GPHN: variants seen among roughly 807,000 people sequenced by gnomAD.
GPHN encodes gephyrin.
In GPHN, 17 loss-of-function variants were observed where a neutral mutation model predicts 95.5. The ratio of observed to expected loss-of-function variants is 0.18; its 90% CI spans 0.12 to 0.27. The LOEUF is 0.27. GPHN is among the 10% of genes least tolerant of loss of function. The pLI, the probability that GPHN is intolerant of heterozygous loss-of-function variation, is 1.00. For synonymous variants in GPHN, 320 were observed against 322.5 expected (o/e 0.99, Z 0.08); for missense variants, 660 against 978.1 (o/e 0.67, Z 4.34).
chr14:66,899,678 G>A (rs2153546880), intron 5 of GPHN, among the ~76,000 whole-genome samples: 1 of 151,830 alleles, frequency 6.6e-6, no homozygotes, highest in African/African-American at 2.4e-5. Flanking sequence ...TAATATTTTA[G>A]TAAGGATTTT....
intron 1 of GPHN, among the ~76,000 whole-genome samples, chr14:66,554,314 C>A (rs1309084457): frequency 6.6e-6 from 1 of 152,146 alleles, no homozygotes; most frequent in Non-Finnish European, 1.5e-5. Context: ...GTATAAGTGG[C>A]AGTGGATTAC....
At chr14:66,816,776 A>G (rs1361564536) in intron 3 of GPHN, among the ~76,000 whole-genome samples, 1 of 152,182 alleles carries the variant, frequency 6.6e-6, no homozygotes, top group East Asian at 1.9e-4. Context: ...TCCCAAAGCT[A>G]GTGGAAGACA....
intron 1 of GPHN, among the ~76,000 whole-genome samples, chr14:66,618,353 C>G (rs1010297197): frequency 1.3e-5 from 2 of 152,142 alleles, no homozygotes; most frequent in Admixed American, 6.5e-5. Context: ...GCTAGGATTA[C>G]TGGTGTGAGC....
At chr14:67,359,893 A>G in the GPHN span, 1 of 642,426 alleles carries the variant, frequency 1.6e-6, no homozygotes, top group Non-Finnish European at 2.7e-6. Context: ...AAGGGGGAGG[A>G]CAGAACAGAG....
intron 4 of GPHN, among the ~76,000 whole-genome samples, chr14:66,878,729 G>C (rs965429053): frequency 1.3e-5 from 2 of 152,112 alleles, no homozygotes; most frequent in African/African-American, 4.8e-5. Context: ...ATGCTGGATA[G>C]GGATGTGGAA....
At chr14:67,238,162 T>G in the GPHN span, among the ~76,000 whole-genome samples, 1 of 152,286 alleles carries the variant, frequency 6.6e-6, no homozygotes, top group Non-Finnish European at 1.5e-5. Context: ...ACCCTTCAGT[T>G]TTTGCATATA....
intron 8 of GPHN, among the ~76,000 whole-genome samples, chr14:66,930,491 A>G (rs1355293169): frequency 1.3e-5 from 2 of 148,242 alleles, no homozygotes; most frequent in Admixed American, 6.7e-5. Flanking sequence ...TTTTCTATCT[A>G]TATTTTATAA....
chr14:66,862,113 GA>G (rs2063048074), intron 4 of GPHN, among the ~76,000 whole-genome samples: 1 of 151,912 alleles, frequency 6.6e-6, no homozygotes, highest in Non-Finnish European at 1.5e-5. Context: ...AAGAAAAAAG[GA>G]GAGAAGATAC....
intron 1 of GPHN, among the ~76,000 whole-genome samples, chr14:66,584,744 G>C (rs1183182646): frequency 6.6e-6 from 1 of 152,126 alleles, no homozygotes; most frequent in African/African-American, 2.4e-5. Flanking sequence ...AAGCCCACTT[G>C]ATCATGGTGG....
At chr14:67,257,687 C>T in the GPHN span, among the ~76,000 whole-genome samples, 1 of 151,614 alleles carries the variant, frequency 6.6e-6, no homozygotes, top group South Asian at 2.1e-4. Context: ...AACATACAGC[C>T]TATTTTTATA....
At chr14:66,839,717 C>A (rs754717256) in intron 4 of GPHN, among the ~76,000 whole-genome samples, 2 of 152,078 alleles carry the variant, frequency 1.3e-5, no homozygotes, top group Non-Finnish European at 1.5e-5. Context: ...TGATGAGATT[C>A]AAAAGAAATT....
At chr14:66,994,227 A>G (rs2071619807) in intron 9 of GPHN, among the ~76,000 whole-genome samples, 2 of 151,984 alleles carry the variant, frequency 1.3e-5, no homozygotes, top group South Asian at 4.2e-4. Context: ...TTAGCCGGGC[A>G]TGATGGTGGG....
the GPHN span, among the ~76,000 whole-genome samples, chr14:67,644,984 CGA>C: frequency 7.0e-6 from 1 of 143,872 alleles, no homozygotes; most frequent in South Asian, 2.2e-4. Context: ...GGAAACAGAG[CGA>C]GACTCCGTCT....
the GPHN span, among the ~76,000 whole-genome samples, chr14:67,599,516 A>C: frequency 6.6e-6 from 1 of 152,182 alleles, no homozygotes; most frequent in Non-Finnish European, 1.5e-5. Flanking sequence ...CCCTTGAAAA[A>C]CAGAGATTAG....
At chr14:66,906,441 T>G (rs1001873221) in intron 5 of GPHN, among the ~76,000 whole-genome samples, 5 of 152,106 alleles carry the variant, frequency 3.3e-5, no homozygotes, top group African/African-American at 1.2e-4. Flanking sequence ...GTTAAAACAG[T>G]AAGTTAGAGG....
the GPHN span, chr14:67,199,718 G>GC: frequency 1.3e-6 from 2 of 1,582,042 alleles, no homozygotes; most frequent in Non-Finnish European, 1.7e-6. Context: ...TTCACCCTCT[G>GC]CCCCCAATCC....
At chr14:66,636,707 T>A (rs113226269) in intron 1 of GPHN, among the ~76,000 whole-genome samples, 77 of 152,214 alleles carry the variant, frequency 5.1e-4, no homozygotes, top group African/African-American at 1.6e-3. Context: ...AAAAGTCAGA[T>A]TGGTAAGGAC....
chr14:67,036,401 A>G (rs1594889845), intron 10 of GPHN, among the ~76,000 whole-genome samples: 2 of 151,744 alleles, frequency 1.3e-5, no homozygotes, highest in Admixed American at 1.3e-4. Context: ...AAAGAAAGAA[A>G]ATGCATCCCA....
chr14:67,203,325 C>T, the GPHN span: 1 of 1,517,330 alleles, frequency 6.6e-7, no homozygotes, highest in Non-Finnish European at 8.9e-7. Flanking sequence ...TTAAAGATCT[C>T]TCAGAAGATG....
Sources: gnomAD v4.1 joint callset for allele counts (sites outside exome capture counted in the v4.1 genomes callset) on GRCh38, gnomAD v4.1.1 for gene constraint, MANE v1.5 for transcripts, NCBI Gene and HGNC (gene_info 2026-07-23, HGNC 2026-07-21) for gene names.